IGSF5: variants seen among roughly 807,000 people sequenced by gnomAD.
IGSF5 encodes the protein immunoglobulin superfamily 5 like.
IGSF5 carries 41 observed loss-of-function variants against 39.4 expected under a neutral mutation model. The observed-to-expected ratio is 1.04, with a 90% CI of 0.81 to 1.35. The LOEUF is 1.35. Ranked by LOEUF, IGSF5 falls within the 40% of genes most tolerant of loss-of-function variation. The probability of loss-of-function intolerance (pLI) is 0.00; values close to 1 mark genes in which losing one functional copy is unlikely to be tolerated. For missense variants in IGSF5, 487 were observed against 494.6 expected (o/e 0.98, Z 0.15); for synonymous variants, 183 against 175.3 (o/e 1.04, Z -0.34).
chr21:39,748,278 T>C (rs2146269452), intron 2 of IGSF5, among the ~76,000 whole-genome samples: 1 of 139,682 alleles, frequency 7.2e-6, no homozygotes, highest in East Asian at 2.3e-4. Context: ...CCTTGAAGTG[T>C]GCAAGTGAAG....
intron 2 of IGSF5, among the ~76,000 whole-genome samples, chr21:39,748,555 C>T (rs1735146): frequency 0.72 from 108,819 of 151,440 alleles, 41,381 homozygotes; most frequent in Non-Finnish European, 0.84. Flanking sequence ...ATGATCTGCC[C>T]ACTTTGGCCT....
At chr21:39,734,249 C>A in the IGSF5 span, among the ~76,000 whole-genome samples, 1 of 151,788 alleles carries the variant, frequency 6.6e-6, no homozygotes, top group East Asian at 1.9e-4. Flanking sequence ...ATGGTGAAAC[C>A]CCATCTCTAC....
rs374584894 is a variant in IGSF5, at chr21:39,764,538, C to G, written c.101-997C>G. Among the ~76,000 whole-genome samples, 5 of 152,240 alleles carry G rather than the reference C, an allele frequency of 3.3e-5. No individual in the cohort carries two copies. In the East Asian group the frequency reaches 9.7e-4, roughly 29 times the overall value. On this transcript the variant is annotated intron_variant, in intron 2 of 8. Transcript: ENST00000380588. ...TATTTTCAGTAGAGATGGGGTTTCA[C>G]CATGTTAGCCAGGCTGGTCTTGAAC...
chr21:39,717,087 T>C, the IGSF5 span, among the ~76,000 whole-genome samples: 1 of 152,234 alleles, frequency 6.6e-6, no homozygotes, highest in Non-Finnish European at 1.5e-5. Context: ...GATTTGTATT[T>C]CTCTCATGAT....
chr21:39,712,956 C>T, the IGSF5 span, among the ~76,000 whole-genome samples: 8 of 152,246 alleles, frequency 5.3e-5, no homozygotes, highest in South Asian at 6.2e-4. Flanking sequence ...CTTTTGTTTC[C>T]GCTCCAAGTA....
chr21:39,750,592 CT>C (rs984835536), intron 2 of IGSF5, among the ~76,000 whole-genome samples: 5 of 151,664 alleles, frequency 3.3e-5, no homozygotes, highest in Admixed American at 3.3e-4. Flanking sequence ...TCACAGTGCT[CT>C]GCAAAGCCAC....
chr21:39,724,118 AAAATAAAATAAAATG>A, the IGSF5 span, among the ~76,000 whole-genome samples: 1 of 113,212 alleles, frequency 8.8e-6, no homozygotes, highest in Non-Finnish European at 2.0e-5. Context: ...AAAATAAAAT[AAAATAAAATAAAATG>A]CCTTTTGTTT....
intron 2 of IGSF5, among the ~76,000 whole-genome samples, chr21:39,750,466 C>T (rs1346060297): frequency 6.8e-6 from 1 of 147,722 alleles, no homozygotes; most frequent in Non-Finnish European, 1.5e-5. Flanking sequence ...TATGATCGTG[C>T]CACTGCACTC....
At chr21:39,731,627 C>CAA in the IGSF5 span, among the ~76,000 whole-genome samples, 1 of 152,124 alleles carries the variant, frequency 6.6e-6, no homozygotes, top group African/African-American at 2.4e-5. Context: ...ATGGAGGGGC[C>CAA]ACATGCCAAC....
At chr21:39,755,586 CAAAAA>C (rs11331220) in intron 2 of IGSF5, among the ~76,000 whole-genome samples, 1 of 133,986 alleles carries the variant, frequency 7.5e-6, no homozygotes, top group South Asian at 2.3e-4. Flanking sequence ...GACTCCATCT[CAAAAA>C]AAAAAAAAAA....
At chr21:39,766,702 G>C (rs555376601) in intron 3 of IGSF5, among the ~76,000 whole-genome samples, 1 of 152,240 alleles carries the variant, frequency 6.6e-6, no homozygotes, top group East Asian at 1.9e-4. Context: ...GCTTTACAAA[G>C]ATTTGGAATA....
the IGSF5 span, among the ~76,000 whole-genome samples, chr21:39,735,137 G>T: frequency 6.6e-6 from 1 of 152,144 alleles, no homozygotes; most frequent in African/African-American, 2.4e-5. Context: ...AAAGTGCTGA[G>T]ATTACAGATA....
chr21:39,758,617 G>A (rs188334267), intron 2 of IGSF5, among the ~76,000 whole-genome samples: 11 of 152,238 alleles, frequency 7.2e-5, no homozygotes, highest in Admixed American at 2.6e-4. Context: ...CCACCCCAGC[G>A]CTCTCCAACG....
chr21:39,797,321 C>G (rs1355200307), intron 8 of IGSF5, among the ~76,000 whole-genome samples: 2 of 148,502 alleles, frequency 1.3e-5, no homozygotes, highest in Admixed American at 6.9e-5. Flanking sequence ...CAGGTTCAAG[C>G]GATTCTCCTG....
chr21:39,719,256 C>T, the IGSF5 span, among the ~76,000 whole-genome samples: 1 of 152,198 alleles, frequency 6.6e-6, no homozygotes, highest in Non-Finnish European at 1.5e-5. Flanking sequence ...CCTGCCTCAG[C>T]CTCCCGTGTA....
intron 8 of IGSF5, among the ~76,000 whole-genome samples, chr21:39,798,562 C>T (rs543493716): frequency 6.6e-6 from 1 of 152,344 alleles, no homozygotes; most frequent in East Asian, 1.9e-4. Flanking sequence ...TCACAACTCT[C>T]AATCTCTCTT....
chr21:39,713,915 T>C, the IGSF5 span, among the ~76,000 whole-genome samples: 24 of 152,368 alleles, frequency 1.6e-4, no homozygotes, highest in African/African-American at 5.8e-4. Context: ...TGTTGCATTT[T>C]GTTCATTCAG....
chr21:39,787,209 C>T (rs924148981), intron 5 of IGSF5, among the ~76,000 whole-genome samples: 11 of 152,160 alleles, frequency 7.2e-5, no homozygotes, highest in African/African-American at 2.4e-4. Context: ...TGGAGGCATT[C>T]CCCTGTTGCT....
At chr21:39,739,149 T>G in the IGSF5 span, among the ~76,000 whole-genome samples, 323 of 152,158 alleles carry the variant, frequency 2.1e-3, 1 homozygote, top group African/African-American at 7.1e-3. Context: ...AGGCTGATCT[T>G]GAACTCCTGA....
Sources: allele counts gnomAD v4.1 joint callset (sites outside exome capture counted in the v4.1 genomes callset), GRCh38; gene constraint gnomAD v4.1.1; transcripts MANE v1.5; gene names NCBI Gene and HGNC (gene_info 2026-07-23, HGNC 2026-07-21).